The following RYR2 variants were observed in gnomAD, a reference collection of about 807,000 sequenced individuals.
The protein encoded by RYR2 is ryanodine receptor 2, also known as cardiac muscle ryanodine receptor-calcium release channel.
Under a neutral mutation model 601.1 loss-of-function variants are expected in RYR2, and 227 were observed. The ratio of observed to expected loss-of-function variants is 0.38; its 90% CI spans 0.34 to 0.42. The LOEUF (loss-of-function observed/expected upper bound fraction) is 0.42. Among genes scored for constraint, RYR2 ranks in the 10% least tolerant of loss-of-function variants. RYR2 has a pLI of 1.00. For missense variants in RYR2, 4,646 were observed against 6,156.5 expected (o/e 0.75, Z 8.21); for synonymous variants, 2,223 against 2,175.1 (o/e 1.02, Z -0.61).
At chr1:237,311,809 T>C (rs1249184869) in intron 2 of RYR2, among the ~76,000 whole-genome samples, 1 of 152,188 alleles carries the variant, frequency 6.6e-6, no homozygotes, top group African/African-American at 2.4e-5. Context: ...GTCTTTTGTG[T>C]CTTCCTTAAT....
At chr1:237,481,605 T>C (rs540479515) in intron 17 of RYR2, among the ~76,000 whole-genome samples, 1 of 152,260 alleles carries the variant, frequency 6.6e-6, no homozygotes, top group African/African-American at 2.4e-5. Flanking sequence ...TTTTCCCTCA[T>C]GGTTGTGCTT....
At chr1:237,059,841 G>A (rs905484189) in intron 1 of RYR2, among the ~76,000 whole-genome samples, 124 of 152,170 alleles carry the variant, frequency 8.1e-4, no homozygotes, top group Non-Finnish European at 1.0e-3. Context: ...ATGGAACCAT[G>A]ATTCCAATAT....
At chr1:237,136,639 G>A (rs1314885036) in intron 1 of RYR2, among the ~76,000 whole-genome samples, 1 of 152,134 alleles carries the variant, frequency 6.6e-6, no homozygotes, top group African/African-American at 2.4e-5. Context: ...GAGGGAGAAG[G>A]TTTTCCTGTT....
At chr1:237,404,943 C>T (rs1290959586) in intron 10 of RYR2, among the ~76,000 whole-genome samples, 1 of 152,196 alleles carries the variant, frequency 6.6e-6, no homozygotes, top group Non-Finnish European at 1.5e-5. Context: ...GCACTGAATT[C>T]TGGGAACCAC....
intron 1 of RYR2, among the ~76,000 whole-genome samples, chr1:237,091,650 T>C (rs10802588): frequency 0.91 from 138,467 of 152,206 alleles, 63,767 homozygotes; most frequent in Non-Finnish European, 0.99. Context: ...GTCTCGAACT[T>C]CTGGGCTCAA....
intron 10 of RYR2, among the ~76,000 whole-genome samples, chr1:237,399,291 A>G (rs538349506): frequency 1.8e-4 from 28 of 152,338 alleles, no homozygotes; most frequent in African/African-American, 6.7e-4. Context: ...CAAAGGTTGC[A>G]TACTGTGTGA....
intron 3 of RYR2, among the ~76,000 whole-genome samples, chr1:237,345,822 C>T (rs1013751830): frequency 2.0e-5 from 3 of 151,556 alleles, no homozygotes; most frequent in Non-Finnish European, 4.4e-5. Context: ...TAAGATTAGT[C>T]CCCCTCATTC....
chr1:237,081,504 AC>A (rs886372646), intron 1 of RYR2, among the ~76,000 whole-genome samples: 3 of 82,572 alleles, frequency 3.6e-5, no homozygotes, highest in East Asian at 2.5e-4. Flanking sequence ...ATATAAATAC[AC>A]CCCCCACATA....
rs3766871 is a variant in RYR2, at chr1:237,614,784, G to T, written c.5656G>T (p.Gly1886Cys). Residue 1886 changes from glycine to cysteine, a missense_variant, in exon 37 of 105, where the codon GGC becomes TGC. Transcript: ENST00000366574. This position sits in a 1 kb window ranked among gnomAD's most constrained non-coding sequence, Gnocchi z 4.3. ...AGCTGGTGAGGAAGAAGCCAAGGGG[G>T]GCAAGCGGCCCAAGGAAGGCCTGCT... ...QGAGEEEAKG[G>C]KRPKEGLLQM... 1 of 1,609,060 alleles carries T rather than the reference G, an allele frequency of 6.2e-7. No homozygotes were observed. The highest frequency in any genetic ancestry group is 8.5e-7 in the Non-Finnish European group (1 of 1,176,642).
intron 63 of RYR2, among the ~76,000 whole-genome samples, chr1:237,695,469 T>G (rs1687337718): frequency 6.6e-6 from 1 of 152,134 alleles, no homozygotes; most frequent in Non-Finnish European, 1.5e-5. Flanking sequence ...AGTTGAAAAG[T>G]ATCAATCTTT....
At chr1:237,504,321 G>T (rs1163815169) in intron 22 of RYR2, among the ~76,000 whole-genome samples, 1 of 152,126 alleles carries the variant, frequency 6.6e-6, no homozygotes, top group Non-Finnish European at 1.5e-5. Flanking sequence ...GATAGGCAGT[G>T]AAGTTAAGAG....
At chr1:237,177,253 A>G (rs973764273) in intron 1 of RYR2, among the ~76,000 whole-genome samples, 2 of 152,184 alleles carry the variant, frequency 1.3e-5, no homozygotes, top group Non-Finnish European at 2.9e-5. Context: ...ATCAAATTTT[A>G]TCTTAAAACT....
At chr1:237,280,777 A>C (rs1690768573) in intron 2 of RYR2, among the ~76,000 whole-genome samples, 2 of 141,796 alleles carry the variant, frequency 1.4e-5, no homozygotes, top group African/African-American at 5.0e-5. Flanking sequence ...AATTCTTCTT[A>C]CTGGTTTTTT....
intron 80 of RYR2, among the ~76,000 whole-genome samples, chr1:237,743,904 A>T (rs1691834378): frequency 6.6e-6 from 1 of 152,198 alleles, no homozygotes; most frequent in Non-Finnish European, 1.5e-5. Flanking sequence ...AGCCCTTTGG[A>T]TGACAAACTT....
rs563848077 is a variant in RYR2, at chr1:237,447,716, A to G, written c.1292+2194A>G. On this transcript the variant is annotated intron_variant, in intron 14 of 104. Coordinates refer to ENST00000366574, the MANE Select transcript of RYR2 (RefSeq NM_001035.3). ...TTTAGTGTTATACATTTCTGTTTTT[A>G]GTGGTACCTCACACCTTTTGATTTT... Among the ~76,000 whole-genome samples, 308 of 151,966 alleles carry G rather than the reference A, an allele frequency of 2.0e-3. 1 individual carries two copies. The highest frequency in any genetic ancestry group is 4.0e-3 in the Non-Finnish European group (273 of 67,930).
intron 8 of RYR2, among the ~76,000 whole-genome samples, chr1:237,382,058 T>C (rs1291016724): frequency 1.3e-5 from 2 of 152,228 alleles, no homozygotes; most frequent in Non-Finnish European, 2.9e-5. Flanking sequence ...AAATGAATCT[T>C]ACAAAACAAT....
chr1:237,700,953 C>T (rs1041585128), intron 65 of RYR2, among the ~76,000 whole-genome samples: 11 of 152,182 alleles, frequency 7.2e-5, no homozygotes, highest in African/African-American at 2.7e-4. Flanking sequence ...AGGTTTCTGA[C>T]AGTTTTTAGG....
intron 32 of RYR2, among the ~76,000 whole-genome samples, chr1:237,592,451 G>A (rs1259734649): frequency 6.6e-6 from 1 of 152,014 alleles, no homozygotes; most frequent in African/African-American, 2.4e-5. Context: ...TGGCCAACAT[G>A]GTGAAACGCT....
chr1:237,535,602 G>A (rs145520732), intron 25 of RYR2, among the ~76,000 whole-genome samples: 1 of 151,844 alleles, frequency 6.6e-6, no homozygotes, highest in African/African-American at 2.4e-5. Context: ...ATTTTCTGAT[G>A]ATATGATTTT....
Sources: allele counts gnomAD v4.1 joint callset (sites outside exome capture counted in the v4.1 genomes callset), GRCh38; gene constraint gnomAD v4.1.1; non-coding constraint Gnocchi (gnomAD v3.1); transcripts MANE v1.5; gene names NCBI Gene and HGNC (gene_info 2026-07-23, HGNC 2026-07-21).